The following XKR4 variants were observed in gnomAD, a reference collection of about 807,000 sequenced individuals.
XKR4 encodes the protein XK related 4.
In XKR4, 12 loss-of-function variants were observed where a neutral mutation model predicts 53.9. That is an observed-to-expected ratio of 0.22 (90% CI 0.14 to 0.36). The LOEUF (loss-of-function observed/expected upper bound fraction) is 0.36, where lower values mean the gene tolerates loss of function less well. XKR4 is among the 10% of genes least tolerant of loss of function. The pLI, the probability that XKR4 is intolerant of heterozygous loss-of-function variation, is 1.00. For missense variants in XKR4, 799 were observed against 859.5 expected (o/e 0.93, Z 0.88); for synonymous variants, 354 against 362.4 (o/e 0.98, Z 0.26).
At chr8:55,478,113 C>A (rs1806029984) in intron 2 of XKR4, among the ~76,000 whole-genome samples, 1 of 151,838 alleles carries the variant, frequency 6.6e-6, no homozygotes, top group African/African-American at 2.4e-5. Context: ...TCAGATTCAC[C>A]AAAGTTGAAG....
At chr8:55,133,838 A>G (rs1001211722) in intron 1 of XKR4, among the ~76,000 whole-genome samples, 1 of 152,242 alleles carries the variant, frequency 6.6e-6, no homozygotes, top group Admixed American at 6.5e-5. Context: ...TTAATCACCA[A>G]TAATGGAGAT....
At chr8:55,334,980 A>G (rs193257085) in intron 1 of XKR4, among the ~76,000 whole-genome samples, 11 of 152,266 alleles carry the variant, frequency 7.2e-5, no homozygotes, top group Admixed American at 5.2e-4. Flanking sequence ...TTAGAGATGG[A>G]TAGCAGTGTA....
intron 1 of XKR4, among the ~76,000 whole-genome samples, chr8:55,288,456 A>G (rs1818937394): frequency 1.3e-5 from 2 of 152,236 alleles, no homozygotes; most frequent in Non-Finnish European, 2.9e-5. Flanking sequence ...GGCTCCTGAA[A>G]GTACTTTCTG....
intron 1 of XKR4, among the ~76,000 whole-genome samples, chr8:55,121,420 G>T (rs1816388951): frequency 6.6e-6 from 1 of 152,188 alleles, no homozygotes; most frequent in African/African-American, 2.4e-5. Context: ...TGTTATTCTA[G>T]AAAGAGTTAA....
chr8:55,299,793 G>A (rs1819157350), intron 1 of XKR4, among the ~76,000 whole-genome samples: 1 of 152,160 alleles, frequency 6.6e-6, no homozygotes, highest in Non-Finnish European at 1.5e-5. Flanking sequence ...TATAGGGAAA[G>A]CAGCTCTGAG....
intron 2 of XKR4, among the ~76,000 whole-genome samples, chr8:55,426,113 T>C (rs1252501318): frequency 6.6e-6 from 1 of 152,158 alleles, no homozygotes. Flanking sequence ...AAACACTAAA[T>C]AGGCAGAGAC....
intron 2 of XKR4, among the ~76,000 whole-genome samples, chr8:55,411,137 C>G (rs1804772236): frequency 6.6e-6 from 1 of 152,196 alleles, no homozygotes; most frequent in African/African-American, 2.4e-5. Flanking sequence ...CTGCAAGTTT[C>G]TTGAGTAGTG....
intron 2 of XKR4, among the ~76,000 whole-genome samples, chr8:55,496,055 G>T (rs1195227048): frequency 6.6e-6 from 1 of 152,196 alleles, no homozygotes; most frequent in African/African-American, 2.4e-5. Context: ...TTCAGTCAAA[G>T]CTCACCTGCT....
At position 55,527,679 on chromosome 8, in the gene XKR4, G is replaced by C. The variant is rs1285361152; in HGVS notation, c.*3452G>C. 6.6e-6 allele frequency: 1 copy of C among 152,114 alleles called. No individual in the cohort carries two copies. Among genetic ancestry groups the C allele is most frequent in the Non-Finnish European group, 1.5e-5 (1 of 68,008 alleles). 9.4% of individuals were successfully genotyped at this position (152,114 alleles called of 1,614,324 possible). ...CTAGTTCAATAGCACTGACTTTGCA[G>C]ACACTTAGTTACTACTCATTTGTGA... On this transcript the variant is annotated 3_prime_UTR_variant, in exon 3 of 3. Transcript: ENST00000327381.
At chr8:55,131,163 A>AACAACAACAACAAC (rs1816549030) in intron 1 of XKR4, among the ~76,000 whole-genome samples, 4 of 150,210 alleles carry the variant, frequency 2.7e-5, no homozygotes, top group South Asian at 2.1e-4. Flanking sequence ...GCTGTCTCAA[A>AACAACAACAACAAC]AACAACAACA....
chr8:55,289,374 T>G (rs1354244546), intron 1 of XKR4, among the ~76,000 whole-genome samples: 1 of 150,682 alleles, frequency 6.6e-6, no homozygotes, highest in Non-Finnish European at 1.5e-5. Flanking sequence ...AATTAGCTGG[T>G]CGTGGTGGTG....
chr8:55,156,509 T>A (rs1223486136), intron 1 of XKR4, among the ~76,000 whole-genome samples: 1 of 152,048 alleles, frequency 6.6e-6, no homozygotes, highest in Admixed American at 6.5e-5. Context: ...TAATAGTTCA[T>A]TCTGTAACTG....
intron 1 of XKR4, among the ~76,000 whole-genome samples, chr8:55,172,494 ACC>A (rs1280316777): frequency 2.0e-5 from 3 of 152,150 alleles, no homozygotes; most frequent in Non-Finnish European, 4.4e-5. Flanking sequence ...GCATATACAC[ACC>A]CATATGCATA....
intron 1 of XKR4, among the ~76,000 whole-genome samples, chr8:55,126,352 G>A (rs1816468629): frequency 6.6e-6 from 1 of 152,216 alleles, no homozygotes; most frequent in African/African-American, 2.4e-5. Context: ...GCAGGTCATA[G>A]CTCCAGTAGA....
chr8:55,483,507 A>C (rs1209713608), intron 2 of XKR4, among the ~76,000 whole-genome samples: 1 of 152,096 alleles, frequency 6.6e-6, no homozygotes, highest in Non-Finnish European at 1.5e-5. Context: ...CCAAGATATG[A>C]AGGATTTAAC....
chr8:55,477,404 G>T (rs559434227), intron 2 of XKR4, among the ~76,000 whole-genome samples: 1 of 152,232 alleles, frequency 6.6e-6, no homozygotes, highest in Admixed American at 6.5e-5. Flanking sequence ...AAACCCTTCT[G>T]TACGTCAACA....
chr8:55,229,720 G>A (rs556688828), intron 1 of XKR4, among the ~76,000 whole-genome samples: 3 of 152,060 alleles, frequency 2.0e-5, no homozygotes, highest in East Asian at 3.9e-4. Flanking sequence ...CTCTTCTTGC[G>A]TCTACTACAT....
At chr8:55,122,032 C>G (rs959256728) in intron 1 of XKR4, among the ~76,000 whole-genome samples, 1 of 152,074 alleles carries the variant, frequency 6.6e-6, no homozygotes, top group Non-Finnish European at 1.5e-5. Flanking sequence ...TTTAAAAGGC[C>G]TTGCCAGAAT....
At chr8:55,353,876 C>T (rs991768377) in intron 1 of XKR4, among the ~76,000 whole-genome samples, 3 of 152,120 alleles carry the variant, frequency 2.0e-5, no homozygotes, top group African/African-American at 4.8e-5. Flanking sequence ...GTAAAGTGCA[C>T]GATAGCAAGC....
Sources: gnomAD v4.1 joint callset for allele counts (sites outside exome capture counted in the v4.1 genomes callset) on GRCh38, gnomAD v4.1.1 for gene constraint, MANE v1.5 for transcripts, NCBI Gene and HGNC (gene_info 2026-07-23, HGNC 2026-07-21) for gene names.